The following LMBR1L variants were observed in gnomAD, a reference collection of about 807,000 sequenced individuals.
The protein encoded by LMBR1L is protein LMBR1L.
In LMBR1L, 47 loss-of-function variants were observed where a neutral mutation model predicts 67.3. That is an observed-to-expected ratio of 0.70 (90% confidence interval 0.55 to 0.89). The LOEUF is 0.89. Among genes scored for constraint, LMBR1L ranks in the 40% least tolerant of loss-of-function variants. The pLI, the probability that LMBR1L is intolerant of heterozygous loss-of-function variation, is 0.00. For synonymous variants in LMBR1L, 247 were observed against 250.3 expected (o/e 0.99, Z 0.13); for missense variants, 533 against 599.2 (o/e 0.89, Z 1.15).
chr12:49,104,565 G>T lies in LMBR1L; in HGVS notation c.332-14C>A. 1 of 1,606,300 alleles carries T rather than the reference G, an allele frequency of 6.2e-7. No homozygotes were observed. On this transcript the variant is annotated splice_polypyrimidine_tract_variant and intron_variant, in intron 4 of 16. Coordinates refer to ENST00000267102, the MANE Select transcript of LMBR1L (RefSeq NM_018113.4). ...GGTTCCAGAGGCCTAGAGCAAAAAA[G>T]GAAGAGCAGAAGTGGTCAGTAAGGG...
Position 49,104,954 on chromosome 12 carries a change from T to C in LMBR1L, c.192-69A>G. The C allele has an allele frequency of 4.6e-6, 7 of 1,532,504 alleles. No homozygotes were observed. In the South Asian group the frequency reaches 7.2e-5, roughly 16 times the overall value. The allele number at this position is 1,532,504 out of a possible 1,614,324, so 94.9% of individuals were successfully genotyped here. On this transcript the variant is annotated intron_variant, in intron 3 of 16. Coordinates refer to ENST00000267102, the MANE Select transcript of LMBR1L (RefSeq NM_018113.4). ...ACTACCCTGTGCTGAAGAAGCCCCA[T>C]TTGTCCTGAGGGCGCCTGTGGCTTC...
In LMBR1L at chr12:49,097,466, G is replaced by C; in HGVS notation, c.*206C>G. Reference sequence around the variant, plus strand: ...CAGTCACCCAGCCCTACCCCATGCTGAGGCCACAGTTAAGTATGGAAAAGC... The same window carrying C: ...CAGTCACCCAGCCCTACCCCATGCTCAGGCCACAGTTAAGTATGGAAAAGC... On this transcript the variant is annotated 3_prime_UTR_variant, in exon 17 of 17. Coordinates refer to ENST00000267102, the MANE Select transcript of LMBR1L (RefSeq NM_018113.4). 1.7e-6 allele frequency: 1 copy of C among 594,294 alleles called. No homozygotes were observed. The highest frequency in any genetic ancestry group is 2.9e-5 in the Admixed American group (1 of 34,012). 36.8% of individuals were successfully genotyped at this position (594,294 alleles called of 1,614,324 possible).
intron 5 of LMBR1L, chr12:49,104,053 C>G (rs965330608): frequency 5.9e-6 from 3 of 511,348 alleles, no homozygotes; most frequent in African/African-American, 5.8e-5. Context: ...ATTGTGTGCT[C>G]TGGGAGGCTG....
intron 1 of LMBR1L, chr12:49,109,623 C>A (rs977707740): frequency 2.0e-5 from 9 of 449,904 alleles, no homozygotes; most frequent in Admixed American, 1.9e-4. Context: ...ATGAGGGTTG[C>A]CCTGGTGAGC....
At chr12:49,100,170 C>T (rs923272632) in intron 15 of LMBR1L, among the ~76,000 whole-genome samples, 1 of 152,162 alleles carries the variant, frequency 6.6e-6, no homozygotes, top group African/African-American at 2.4e-5. Context: ...AAATGAGAGG[C>T]AGTGGGATGT....
Position 49,106,991 on chromosome 12 carries a change from G to A in LMBR1L, c.127C>T (p.Arg43Cys), listed in dbSNP as rs747428015. The A allele has an allele frequency of 1.9e-5, 30 of 1,613,340 alleles. No homozygotes were observed. Among genetic ancestry groups the A allele is most frequent in the East Asian group, 1.6e-4 (7 of 44,902 alleles). Reference sequence around the variant, plus strand: ...GTGAACTCAGCAGGCTTCTTGAAGCGGGTCAGGAAGATGTGGCAGAGGATG... The same window carrying A: ...GTGAACTCAGCAGGCTTCTTGAAGCAGGTCAGGAAGATGTGGCAGAGGATG... ...LYILCHIFLTRFKKPAEFTTV... is the reference protein window; with the variant it reads ...LYILCHIFLTCFKKPAEFTTV... Residue 43 changes from arginine (R) to cysteine (C), a missense_variant, in exon 2 of 17, where the codon CGC becomes TGC. By Grantham distance (180) the Arg-to-Cys change is radical. This residue lies in a region of LMBR1L where 246 missense variants were observed against 249.0 expected (regional missense o/e 0.99). Coordinates refer to ENST00000267102, the MANE Select transcript of LMBR1L (RefSeq NM_018113.4).
intron 1 of LMBR1L, chr12:49,109,587 A>G: frequency 2.4e-6 from 1 of 418,622 alleles, no homozygotes; most frequent in South Asian, 1.7e-5. Context: ...TTTCCAAACC[A>G]TTCCCTTTCC....
At chr12:49,104,014 A>G (rs1196585951) in intron 5 of LMBR1L, 21 of 561,540 alleles carry the variant, frequency 3.7e-5, no homozygotes, top group Non-Finnish European at 5.9e-5. Context: ...CTTCATTTGC[A>G]TCTCCTTTCC....
chr12:49,100,552 C>T lies in LMBR1L; in HGVS notation c.1173+4G>A. Reference sequence around the variant, plus strand: ...GGGAGCTTCCCTTACTCCCTCCCAGCTACCTGCGTCATGGCAGTGTCGTGC... The same window carrying T: ...GGGAGCTTCCCTTACTCCCTCCCAGTTACCTGCGTCATGGCAGTGTCGTGC... On this transcript the variant is annotated splice_donor_region_variant and intron_variant, in intron 14 of 16. Transcript: ENST00000267102. 1.9e-6 allele frequency: 3 copies of T among 1,614,040 alleles called. No homozygotes were observed. Among genetic ancestry groups the T allele is most frequent in the Non-Finnish European group, 2.5e-6 (3 of 1,179,910 alleles).
At position 49,102,678 on chromosome 12, in the gene LMBR1L, T is replaced by G. The variant is rs939388777; in HGVS notation, c.697-138A>C. 6 of 966,760 alleles carry G rather than the reference T, an allele frequency of 6.2e-6. No homozygotes were observed. In the African/African-American group the frequency reaches 9.7e-5, roughly 16 times the overall value. 59.9% of individuals were successfully genotyped at this position (966,760 alleles called of 1,614,324 possible). On this transcript the variant is annotated intron_variant, in intron 8 of 16. Transcript: ENST00000267102. ...CATTCACCACCCTGTGGCCCGCAGC[T>G]TTGCTCAGTCCCTCCCAATTGCCCT...
intron 15 of LMBR1L, 57 bp downstream of exon 15, chr12:49,100,331 G>A (rs1939980515): frequency 7.5e-7 from 1 of 1,331,342 alleles, no homozygotes; most frequent in African/African-American, 1.5e-5. Flanking sequence ...TGCCTGCTTT[G>A]CATCAGTAAG....
At position 49,100,464 on chromosome 12, in the gene LMBR1L, A is replaced by C; in HGVS notation, c.1174-10T>G. 6.2e-7 allele frequency: 1 copy of C among 1,613,608 alleles called. No individual in the cohort carries two copies. The highest frequency in any genetic ancestry group is 1.1e-5 in the South Asian group (1 of 91,076). On this transcript the variant is annotated splice_polypyrimidine_tract_variant and intron_variant, in intron 14 of 16. Coordinates refer to ENST00000267102, the MANE Select transcript of LMBR1L (RefSeq NM_018113.4). ...CACAGTTCCCAATTATCTGGGTGGA[A>C]GCAGGGAAAGGAGAGGTGAGGGTGG...
chr12:49,102,481 G>A lies in LMBR1L; in HGVS notation c.756C>T (p.Thr252=), dbSNP rs1286766532. 6.2e-7 allele frequency: 1 copy of A among 1,614,180 alleles called. No individual in the cohort carries two copies. The highest frequency in any genetic ancestry group is 1.1e-5 in the South Asian group (1 of 91,078). The part of the protein sequence containing the change: ...YCSAFEEAAL[T]RRICNPTSCW... ...ACTGCAACTTACTACAGATCCTGCG[G>A]GTCAGGGCTGCCTCCTCAAAGGCTG... The change falls in exon 9 of 17, where the codon ACC becomes ACT. Residue 252 remains threonine, a synonymous_variant. Coordinates refer to ENST00000267102, the MANE Select transcript of LMBR1L (RefSeq NM_018113.4).
At chr12:49,104,601 C>A in intron 4 of LMBR1L, 50 bp from the exon 5 acceptor site, 2 of 1,568,488 alleles carry the variant, frequency 1.3e-6, no homozygotes, top group Non-Finnish European at 1.8e-6. Flanking sequence ...GAGGGGCAAC[C>A]CACAGGAGAC....
At chr12:49,105,065 C>T (rs1478288231) in intron 3 of LMBR1L, 180 bp from the exon 4 acceptor site, 3 of 640,764 alleles carry the variant, frequency 4.7e-6, no homozygotes, top group Non-Finnish European at 7.9e-6. Flanking sequence ...TAGCTCTTTA[C>T]CTCCAGGGAA....
At chr12:49,103,292 G>A (rs1940459641) in intron 6 of LMBR1L, 133 bp from the exon 7 acceptor site, 2 of 744,200 alleles carry the variant, frequency 2.7e-6, no homozygotes, top group Non-Finnish European at 4.5e-6. Flanking sequence ...AAGAAAGCTG[G>A]CCAGCATTAG....
chr12:49,103,860 T>A (rs2047101), intron 5 of LMBR1L, 47 bp from the exon 6 acceptor site: 550,490 of 1,555,804 alleles, frequency 0.35, 102,741 homozygotes, highest in East Asian at 0.71. Flanking sequence ...CAGGGCAGTG[T>A]GGGAACATTG....
chr12:49,105,771 G>C (rs540294886), intron 3 of LMBR1L, among the ~76,000 whole-genome samples, 153 bp downstream of exon 3: 9 of 152,314 alleles, frequency 5.9e-5, no homozygotes, highest in Admixed American at 3.3e-4. Flanking sequence ...AGCATCCCCA[G>C]GGTGAGGTAA....
chr12:49,097,783 A>C, intron 16 of LMBR1L, 44 bp from the exon 17 acceptor site: 1 of 1,612,446 alleles, frequency 6.2e-7, no homozygotes, highest in Non-Finnish European at 8.5e-7. Context: ...TCAAAGGTCC[A>C]GTCCGTTAGG....
Sources: allele counts gnomAD v4.1 joint callset (sites outside exome capture counted in the v4.1 genomes callset), GRCh38; gene constraint gnomAD v4.1.1; regional missense constraint gnomAD v4.1.1; transcripts MANE v1.5; gene names NCBI Gene and HGNC (gene_info 2026-07-23, HGNC 2026-07-21).